MIPEP: variants seen among roughly 807,000 people sequenced by gnomAD.
MIPEP encodes the protein mitochondrial intermediate peptidase.
MIPEP carries 79 observed loss-of-function variants against 90.3 expected under a neutral mutation model. That is an observed-to-expected ratio of 0.87 (90% confidence interval 0.73 to 1.05). The LOEUF (loss-of-function observed/expected upper bound fraction) is 1.05, where lower values mean the gene tolerates loss of function less well. Among genes scored for constraint, MIPEP ranks in the 50% least tolerant of loss-of-function variants. MIPEP has a pLI of 0.00. For synonymous variants in MIPEP, 334 were observed against 315.8 expected (o/e 1.06, Z -0.61); for missense variants, 940 against 905.6 (o/e 1.04, Z -0.49).
intron 18 of MIPEP, among the ~76,000 whole-genome samples, chr13:23,739,171 G>C (rs112589570): frequency 6.6e-6 from 1 of 152,202 alleles, no homozygotes; most frequent in African/African-American, 2.4e-5. Context: ...TTGAGTACCA[G>C]CTAGCTGGAA....
intron 16 of MIPEP, among the ~76,000 whole-genome samples, chr13:23,790,868 T>C (rs1004565349): frequency 5.3e-5 from 8 of 152,234 alleles, no homozygotes; most frequent in Non-Finnish European, 1.0e-4. Context: ...TCTCGACTCC[T>C]TGACCTTCTC....
chr13:23,840,433 A>C (rs1379070252), intron 11 of MIPEP, among the ~76,000 whole-genome samples: 1 of 152,238 alleles, frequency 6.6e-6, no homozygotes, highest in Non-Finnish European at 1.5e-5. Context: ...GGTGGAGTGC[A>C]CATTCTGCAG....
intron 10 of MIPEP, among the ~76,000 whole-genome samples, chr13:23,849,776 T>C (rs180805619): frequency 2.2e-4 from 33 of 152,352 alleles, no homozygotes; most frequent in African/African-American, 7.7e-4. Flanking sequence ...GAATTCATCA[T>C]TGTAAACTGA....
intron 5 of MIPEP, among the ~76,000 whole-genome samples, chr13:23,874,614 C>T (rs560677972): frequency 1.3e-5 from 2 of 152,304 alleles, no homozygotes; most frequent in South Asian, 4.1e-4. Flanking sequence ...CTAAAACACT[C>T]CACTTGGCTC....
Position 23,797,935 on chromosome 13 carries a change from C to T in MIPEP, c.1848+8015G>A, listed in dbSNP as rs182505953. 4.6e-5 allele frequency among the ~76,000 whole-genome samples: 7 copies of T among 152,236 alleles called. No individual in the cohort carries two copies. In the East Asian group the frequency reaches 1.4e-3, roughly 29 times the overall value. On this transcript the variant is annotated intron_variant, in intron 16 of 18. Transcript: ENST00000382172. ...ATAACGAGATGTCTGACAGGACAGC[C>T]AGATATAATGATGAATTGGTTAGCA...
chr13:23,773,420 T>A (rs1952675264), intron 16 of MIPEP, among the ~76,000 whole-genome samples: 1 of 152,248 alleles, frequency 6.6e-6, no homozygotes, highest in Non-Finnish European at 1.5e-5. Context: ...TGTACATTTG[T>A]GCATACATTT....
At chr13:23,781,025 ACT>A (rs1438791613) in intron 16 of MIPEP, among the ~76,000 whole-genome samples, 1 of 152,230 alleles carries the variant, frequency 6.6e-6, no homozygotes, top group Non-Finnish European at 1.5e-5. Flanking sequence ...GTTGGAAAAC[ACT>A]CTGCAGGATA....
intron 4 of MIPEP, among the ~76,000 whole-genome samples, chr13:23,875,981 T>C (rs1871055451): frequency 1.3e-5 from 2 of 152,192 alleles, no homozygotes; most frequent in African/African-American, 2.4e-5. Flanking sequence ...GCTTGTTTTG[T>C]GTTGTTATAT....
chr13:23,879,032 C>A (rs981645722), intron 4 of MIPEP, among the ~76,000 whole-genome samples: 12 of 152,092 alleles, frequency 7.9e-5, no homozygotes, highest in African/African-American at 1.2e-4. Flanking sequence ...TTGGAAGGAA[C>A]GAGGGCTATG....
intron 16 of MIPEP, 78 bp from the exon 17 acceptor site, chr13:23,760,295 G>T (rs927646178): frequency 6.4e-6 from 10 of 1,569,240 alleles, no homozygotes; most frequent in Non-Finnish European, 8.7e-6. Context: ...GAACACAGTG[G>T]AGACACAGAG....
intron 16 of MIPEP, among the ~76,000 whole-genome samples, chr13:23,786,690 T>C (rs966141082): frequency 5.3e-5 from 8 of 151,956 alleles, no homozygotes; most frequent in African/African-American, 1.9e-4. Flanking sequence ...ATACATGAAT[T>C]GCAAGCACAA....
intron 10 of MIPEP, chr13:23,842,522 CTCCCTGGTTCGT>C (rs1351203795): frequency 6.6e-6 from 1 of 152,172 alleles, no homozygotes; most frequent in Non-Finnish European, 1.5e-5. Context: ...AGTGCCCTCG[CTCCCTGGTTCGT>C]TCACTCAAGC....
intron 16 of MIPEP, among the ~76,000 whole-genome samples, chr13:23,771,376 T>C (rs1952648649): frequency 6.6e-6 from 1 of 152,056 alleles, no homozygotes; most frequent in African/African-American, 2.4e-5. Flanking sequence ...CAAACAATGA[T>C]AAAAGGAGCA....
chr13:23,760,065 G>T, intron 17 of MIPEP, 31 bp downstream of exon 17: 3 of 1,613,594 alleles, frequency 1.9e-6, no homozygotes, highest in Non-Finnish European at 2.5e-6. Context: ...TGTGGTCCAA[G>T]ATGGGGACAT....
intron 18 of MIPEP, among the ~76,000 whole-genome samples, chr13:23,750,031 C>T (rs1048353375): frequency 6.6e-6 from 1 of 152,174 alleles, no homozygotes; most frequent in South Asian, 2.1e-4. Context: ...GTGGACCAAA[C>T]CATGAGCAGT....
intron 11 of MIPEP, among the ~76,000 whole-genome samples, chr13:23,841,032 T>C (rs1367173081): frequency 6.6e-6 from 1 of 152,328 alleles, no homozygotes; most frequent in Non-Finnish European, 1.5e-5. Context: ...TATGAAGGTA[T>C]ATACAAAGTA....
At chr13:23,860,629 G>C (rs1426765664) in intron 9 of MIPEP, among the ~76,000 whole-genome samples, 1 of 151,734 alleles carries the variant, frequency 6.6e-6, no homozygotes, top group Non-Finnish European at 1.5e-5. Context: ...AGAGTGACAA[G>C]ATCAGATCTG....
intron 10 of MIPEP, among the ~76,000 whole-genome samples, chr13:23,857,335 A>T (rs1870087262): frequency 6.6e-6 from 1 of 152,220 alleles, no homozygotes; most frequent in African/African-American, 2.4e-5. Flanking sequence ...CTGATGCTGA[A>T]TTTGAGATAC....
chr13:23,737,226 T>C (rs1952275858), intron 18 of MIPEP, among the ~76,000 whole-genome samples: 1 of 152,224 alleles, frequency 6.6e-6, no homozygotes, highest in East Asian at 1.9e-4. Flanking sequence ...CACAGGGCCG[T>C]AGTCTGGTAC....
Sources: allele counts gnomAD v4.1 joint callset (sites outside exome capture counted in the v4.1 genomes callset), GRCh38; gene constraint gnomAD v4.1.1; transcripts MANE v1.5; gene names NCBI Gene and HGNC (gene_info 2026-07-23, HGNC 2026-07-21).